Variants in CAMK1 observed in about 807,000 individuals in gnomAD.
CAMK1 encodes the protein calcium/calmodulin dependent protein kinase I.
CAMK1 carries 39 observed loss-of-function variants against 49.1 expected under a neutral mutation model. The observed-to-expected ratio is 0.79, with a 90% CI of 0.62 to 1.04. CAMK1 has a LOEUF of 1.04. Among genes scored for constraint, CAMK1 ranks in the 50% least tolerant of loss-of-function variants. CAMK1 has a pLI of 0.00. For missense variants in CAMK1, 457 were observed against 472.2 expected (o/e 0.97, Z 0.30); for synonymous variants, 192 against 185.2 (o/e 1.04, Z -0.30).
intron 3 of CAMK1, among the ~76,000 whole-genome samples, chr3:9,764,124 T>C (rs1482526203): frequency 6.6e-6 from 1 of 152,196 alleles, no homozygotes; most frequent in Admixed American, 6.5e-5. Flanking sequence ...AGGTGCTAGA[T>C]TTAATGTAAC....
rs779343393 is a variant in CAMK1, at chr3:9,767,689, C to T, written c.61G>A (p.Asp21Asn). 5.1e-5 allele frequency: 83 copies of T among 1,614,036 alleles called. 1 individual carries two copies. Among genetic ancestry groups the T allele is most frequent in the Admixed American group, 1.2e-4 (7 of 60,004 alleles). ...CACGTGCCCAGAACATCTCGGAAGT[C>T]GTAGATGTCTCTAATGTCCTCCGCC... ...KQAEDIRDIY[D>N]FRDVLGTGAF... Residue 21 changes from aspartate to asparagine, a missense_variant, in exon 2 of 12, where the codon GAC (aspartate) becomes AAC (asparagine). Asp to Asn is a conservative substitution (Grantham distance 23). Coordinates refer to ENST00000256460, the MANE Select transcript of CAMK1 (RefSeq NM_003656.5).
intron 7 of CAMK1, 133 bp downstream of exon 7, chr3:9,761,328 G>T: frequency 1.2e-6 from 1 of 855,074 alleles, no homozygotes; most frequent in Non-Finnish European, 1.8e-6. Context: ...AAGTAATACT[G>T]GTAATTGATT....
At position 9,767,655 on chromosome 3, in the gene CAMK1, C is replaced by T; in HGVS notation, c.83+12G>A. The T allele has an allele frequency of 1.2e-6, 2 of 1,614,138 alleles. No homozygotes were observed. Among genetic ancestry groups the T allele is most frequent in the African/African-American group, 2.7e-5 (2 of 75,042 alleles). On this transcript the variant is annotated intron_variant, in intron 2 of 11. Coordinates refer to ENST00000256460, the MANE Select transcript of CAMK1 (RefSeq NM_003656.5). Reference sequence around the variant, plus strand: ...CTCAGCCATCCAGCACCCAATCCTGCCCTGGACTCACGTGCCCAGAACATC... The same window carrying T: ...CTCAGCCATCCAGCACCCAATCCTGTCCTGGACTCACGTGCCCAGAACATC...
chr3:9,766,118 A>G, intron 2 of CAMK1: 4 of 1,264,574 alleles, frequency 3.2e-6, no homozygotes, highest in Non-Finnish European at 4.5e-6. Context: ...GATGCAAGCC[A>G]GCTTACTAGC....
rs2078264886 is a variant in CAMK1 at position 9,769,900 on chromosome 3, C to T, written c.-101G>A. ...GTTGGCGCCGAGCTGTGGCCGCGGTCCTCACCGCTGCGTGCCTGGGCCACC... is the reference window on the plus strand; with the variant it reads ...GTTGGCGCCGAGCTGTGGCCGCGGTTCTCACCGCTGCGTGCCTGGGCCACC... On this transcript the variant is annotated 5_prime_UTR_variant, in exon 1 of 12. Coordinates refer to ENST00000256460, the MANE Select transcript of CAMK1 (RefSeq NM_003656.5). 2 of 152,234 alleles carry T rather than the reference C, an allele frequency of 1.3e-5. No individual in the cohort carries two copies. Among genetic ancestry groups the T allele is most frequent in the Non-Finnish European group, 1.5e-5 (1 of 68,058 alleles). The allele number at this position is 152,234 out of a possible 1,614,324, so 9.4% of individuals were successfully genotyped here.
chr3:9,767,553 G>T, intron 2 of CAMK1, 114 bp downstream of exon 2: 1 of 1,368,578 alleles, frequency 7.3e-7, no homozygotes. Flanking sequence ...CCTAGATAGT[G>T]CTGCCACAGG....
At position 9,757,470 on chromosome 3, in the gene CAMK1, G is replaced by A; in HGVS notation, c.*69C>T. 6.2e-7 allele frequency: 1 copy of A among 1,602,438 alleles called. No homozygotes were observed. The highest frequency in any genetic ancestry group is 8.5e-7 in the Non-Finnish European group (1 of 1,172,564). On this transcript the variant is annotated 3_prime_UTR_variant, in exon 12 of 12. Coordinates refer to ENST00000256460, the MANE Select transcript of CAMK1 (RefSeq NM_003656.5). This position sits in a 1 kb window ranked among gnomAD's most constrained non-coding sequence, Gnocchi z 4.5. ...ACAGGGCAGAGAAACTCCCGGTTCA[G>A]GGAGGGAAGGGGAGCAGGCTGCCCC...
rs1318657008 is a variant in CAMK1 at position 9,757,596 on chromosome 3, T to A, written c.1056A>T (p.Arg352=). 1 of 1,614,090 alleles carries A rather than the reference T, an allele frequency of 6.2e-7. No homozygotes were observed. Among genetic ancestry groups the A allele is most frequent in the Admixed American group, 1.7e-5 (1 of 60,016 alleles). The part of the protein sequence containing the change: ...AGGPAAGCCC[R]DCCVEPGTEL... The stretch of plus-strand genomic sequence containing the variant: ...CTGTGCCCGGCTCCACGCAGCAGTC[T>A]CGACAGCAACAGCCAGCTGCCGGCC... The change falls in exon 12 of 12, where the codon CGA becomes CGT. Residue 352 remains arginine (R), a synonymous_variant. Coordinates refer to ENST00000256460, the MANE Select transcript of CAMK1 (RefSeq NM_003656.5). This position sits in a 1 kb window ranked among gnomAD's most constrained non-coding sequence, Gnocchi z 4.5.
At chr3:9,763,634 A>G (rs1398078897) in intron 3 of CAMK1, among the ~76,000 whole-genome samples, 2 of 152,050 alleles carry the variant, frequency 1.3e-5, no homozygotes, top group Non-Finnish European at 2.9e-5. Flanking sequence ...GTCACATGCT[A>G]TTTGGGTGCA....
At chr3:9,763,427 G>A (rs528205478) in intron 3 of CAMK1, among the ~76,000 whole-genome samples, 15 of 149,258 alleles carry the variant, frequency 1.0e-4, no homozygotes, top group South Asian at 4.2e-4. Context: ...AAAAAACAGC[G>A]GTTTAGAGCT....
At chr3:9,759,598 G>A (rs982289547) in intron 9 of CAMK1, 23 bp from the exon 10 acceptor site, 1 of 1,614,174 alleles carries the variant, frequency 6.2e-7, no homozygotes, top group Admixed American at 1.7e-5. Context: ...TATGTGGTGG[G>A]TTGCCTATGA....
intron 5 of CAMK1, 101 bp downstream of exon 5, chr3:9,762,813 G>T: frequency 1.7e-6 from 2 of 1,152,062 alleles, no homozygotes; most frequent in Non-Finnish European, 1.3e-6. Context: ...GAAATCCAAG[G>T]CTCAGTGAGG....
intron 2 of CAMK1, chr3:9,766,784 C>A: frequency 3.9e-6 from 1 of 256,152 alleles, no homozygotes; most frequent in Non-Finnish European, 6.5e-6. Context: ...TAATTAGTTA[C>A]TGTAGTAACC....
rs1354705785 is a variant in CAMK1 at position 9,769,940 on chromosome 3, C to T, written c.-141G>A. On this transcript the variant is annotated 5_prime_UTR_variant, in exon 1 of 12. Coordinates refer to ENST00000256460, the MANE Select transcript of CAMK1 (RefSeq NM_003656.5). ...CCTGGGCCACCCGCCCGCGCTCTTG[C>T]TGGAGCTGGGGCTCGGCTCGGCTCG... 2.0e-5 allele frequency: 3 copies of T among 152,392 alleles called. No homozygotes were observed. In the South Asian group the frequency reaches 6.2e-4, roughly 32 times the overall value. 9.4% of individuals were successfully genotyped at this position (152,392 alleles called of 1,614,324 possible).
chr3:9,759,233 G>A, intron 10 of CAMK1: 1 of 1,614,174 alleles, frequency 6.2e-7, no homozygotes, highest in Non-Finnish European at 8.5e-7. Context: ...GGACCCCATA[G>A]GCTGGATCAG....
At chr3:9,769,547 C>T (rs1209178946) in intron 1 of CAMK1, among the ~76,000 whole-genome samples, 1 of 152,200 alleles carries the variant, frequency 6.6e-6, no homozygotes, top group East Asian at 1.9e-4. Context: ...CAAGCCCCCC[C>T]ACCCCATGGA....
chr3:9,757,519 A>G lies in CAMK1; in HGVS notation c.*20T>C, dbSNP rs778163614. ...CCCAAGCCCTCCCACGCAGAGGATCATGACCCGAGGTCCAGGGCCCTAGAG... is the reference window on the plus strand; with the variant it reads ...CCCAAGCCCTCCCACGCAGAGGATCGTGACCCGAGGTCCAGGGCCCTAGAG... On this transcript the variant is annotated 3_prime_UTR_variant, in exon 12 of 12. Coordinates refer to ENST00000256460, the MANE Select transcript of CAMK1 (RefSeq NM_003656.5). The surrounding 1 kb of genome is among the most constrained non-coding windows in gnomAD (Gnocchi z 4.5). The G allele has an allele frequency of 3.6e-5, 58 of 1,608,962 alleles. 1 individual carries two copies. The Middle Eastern group carries it at 1.7e-3, about 46-fold the overall frequency.
At position 9,759,660 on chromosome 3, in the gene CAMK1, G is replaced by A; in HGVS notation, c.824+12C>T. The stretch of plus-strand genomic sequence containing the variant: ...AATCCCGCCCCAGCTCACAGGTTGT[G>A]TGAATTCTCACCATGGGTGCTGCAA... On this transcript the variant is annotated intron_variant, in intron 9 of 11. Coordinates refer to ENST00000256460, the MANE Select transcript of CAMK1 (RefSeq NM_003656.5). 1 of 1,614,212 alleles carries A rather than the reference G, an allele frequency of 6.2e-7. No individual in the cohort carries two copies. Among genetic ancestry groups the A allele is most frequent in the South Asian group, 1.1e-5 (1 of 91,080 alleles).
intron 7 of CAMK1, chr3:9,761,074 T>C (rs2077842923): frequency 5.4e-6 from 2 of 372,252 alleles, no homozygotes; most frequent in Admixed American, 4.2e-5. Context: ...AGCGAGCCCT[T>C]CCCTGACCTC....
Sources: gnomAD v4.1 joint callset for allele counts (sites outside exome capture counted in the v4.1 genomes callset) on GRCh38, gnomAD v4.1.1 for gene constraint, Gnocchi (gnomAD v3.1) non-coding constraint, MANE v1.5 for transcripts, NCBI Gene and HGNC (gene_info 2026-07-23, HGNC 2026-07-21) for gene names.